HELLS: variants seen among roughly 807,000 people sequenced by gnomAD.
HELLS encodes helicase, lymphoid specific, also known as lymphoid-specific helicase.
In HELLS, 32 loss-of-function variants were observed where a neutral mutation model predicts 120.0. That is an observed-to-expected ratio of 0.27 (90% CI 0.20 to 0.36). The LOEUF is 0.36. HELLS is among the 10% of genes least tolerant of loss of function. The pLI is 1.00. For missense variants in HELLS, 650 were observed against 993.4 expected (o/e 0.65, Z 4.65); for synonymous variants, 341 against 323.4 (o/e 1.05, Z -0.58).
intron 2 of HELLS, among the ~76,000 whole-genome samples, chr10:94,553,894 C>T (rs1024767886): frequency 3.9e-5 from 6 of 152,030 alleles, no homozygotes; most frequent in Admixed American, 1.3e-4. Flanking sequence ...GTGCCAGAAA[C>T]CATGTGTTCA....
In HELLS at chr10:94,545,904, C is replaced by T. The variant is rs1035771075; in HGVS notation, c.-18C>T. 1.3e-6 allele frequency: 2 copies of T among 1,553,532 alleles called. No homozygotes were observed. Among genetic ancestry groups the T allele is most frequent in the Non-Finnish European group, 1.7e-6 (2 of 1,147,874 alleles). On this transcript the variant is annotated 5_prime_UTR_variant, in exon 1 of 22. Transcript: ENST00000348459. ...GCTCTGAGAGGAGGGGACCCGGTTCCCGGGTGAGTGTCCAGGCATGCCAGC... is the reference window on the plus strand; with the variant it reads ...GCTCTGAGAGGAGGGGACCCGGTTCTCGGGTGAGTGTCCAGGCATGCCAGC...
exon 10 of HELLS, chr10:94,613,251 A>G (rs1846211797): frequency 1.3e-5 from 2 of 152,192 alleles, no homozygotes; most frequent in African/African-American, 4.8e-5. Flanking sequence ...AATTTTTGCC[A>G]TTCTCATAAT....
intron 9 of HELLS, among the ~76,000 whole-genome samples, chr10:94,608,774 C>T (rs1015516632): frequency 6.6e-6 from 1 of 151,922 alleles, no homozygotes; most frequent in Admixed American, 6.6e-5. Flanking sequence ...TGTGCCAGTA[C>T]TCCTGGCTAA....
intron 11 of HELLS, among the ~76,000 whole-genome samples, chr10:94,582,454 A>G (rs186429279): frequency 2.6e-5 from 4 of 152,260 alleles, no homozygotes; most frequent in Admixed American, 1.3e-4. Flanking sequence ...CCTATTCTAT[A>G]TTATTAATCT....
chr10:94,552,071 A>G (rs1843005102), intron 2 of HELLS, among the ~76,000 whole-genome samples: 1 of 152,172 alleles, frequency 6.6e-6, no homozygotes, highest in African/African-American at 2.4e-5. Context: ...GCTGTAAACA[A>G]TGCTCAATTA....
chr10:94,581,490 T>G lies in HELLS; in HGVS notation c.1197T>G (p.Phe399Leu), dbSNP rs773907756. Reference protein sequence around the residue: ...NLSELWSLLNFLLPDVFDDLK... With the variant: ...NLSELWSLLNLLLPDVFDDLK... Reference sequence around the variant, plus strand: ...CAGAACTTTGGTCATTGCTAAACTTTTTGTTGCCAGATGTATTTGATGACT... The same window carrying G: ...CAGAACTTTGGTCATTGCTAAACTTGTTGTTGCCAGATGTATTTGATGACT... The change falls in exon 11 of 22, where the codon TTT (phenylalanine) becomes TTG (leucine). Residue 399 changes from phenylalanine (F) to leucine (L), a missense_variant. Coordinates refer to ENST00000348459, the MANE Select transcript of HELLS (RefSeq NM_018063.5). 2.5e-6 allele frequency: 4 copies of G among 1,609,316 alleles called. No individual in the cohort carries two copies. The highest frequency in any genetic ancestry group is 3.4e-6 in the Non-Finnish European group (4 of 1,178,604).
exon 10 of HELLS, chr10:94,610,478 CAAG>C (rs1846181307): frequency 6.7e-6 from 1 of 150,176 alleles, no homozygotes; most frequent in African/African-American, 2.4e-5. Flanking sequence ...AAACAGAAAA[CAAG>C]AAATTCCCTA....
intron 6 of HELLS, chr10:94,570,808 T>C (rs1451659395): frequency 6.6e-6 from 1 of 152,110 alleles, no homozygotes; most frequent in Non-Finnish European, 1.5e-5. Context: ...CAGATGTCTA[T>C]CCACAGAGGC....
Position 94,596,921 on chromosome 10 carries a change from A to G in HELLS, c.2310A>G (p.Glu770=). The G allele has an allele frequency of 6.6e-7, 1 of 1,510,856 alleles. No individual in the cohort carries two copies. The highest frequency in any genetic ancestry group is 9.2e-7 in the Non-Finnish European group (1 of 1,087,536). The allele number at this position is 1,510,856 out of a possible 1,614,324, so 93.6% of individuals were successfully genotyped here. A position where few individuals can be genotyped will look rare whatever the true frequency, so the allele number is the denominator to read the frequency against. ...CTAAGAATTTCTTAGATCCTAAGGA[A>G]TTAATGGAATTATTAAAATCTAGAG... ...NLSKNFLDPK[E]LMELLKSRDY... The change falls in exon 20 of 22, where the codon GAA becomes GAG. Residue 770 remains glutamate (E), a synonymous_variant. Transcript: ENST00000348459.
In HELLS at chr10:94,574,407, G is replaced by A. The variant is rs1844333184; in HGVS notation, c.706-147G>A. On this transcript the variant is annotated intron_variant, in intron 8 of 21. Coordinates refer to ENST00000348459, the MANE Select transcript of HELLS (RefSeq NM_018063.5). The stretch of plus-strand genomic sequence containing the variant: ...TATGGCTTTGATAAAGGACTTTCCA[G>A]TGTTGTTATAATTTATGGTGTGAAT... 6.9e-6 allele frequency: 5 copies of A among 723,550 alleles called. No homozygotes were observed. The Admixed American group carries it at 8.5e-5, about 12-fold the overall frequency. The allele number at this position is 723,550 out of a possible 1,614,324, so 44.8% of individuals were successfully genotyped here.
At chr10:94,552,822 AC>A (rs1843053094) in intron 2 of HELLS, among the ~76,000 whole-genome samples, 1 of 151,410 alleles carries the variant, frequency 6.6e-6, no homozygotes, top group African/African-American at 2.4e-5. Context: ...AAAAAAAAAT[AC>A]AAAAAATTAA....
intron 12 of HELLS, among the ~76,000 whole-genome samples, chr10:94,586,688 T>TAG (rs1564608976): frequency 2.6e-5 from 4 of 151,670 alleles, no homozygotes; most frequent in African/African-American, 9.7e-5. Flanking sequence ...TTTATTATTA[T>TAG]TAGTAGTAGT....
intron 6 of HELLS, among the ~76,000 whole-genome samples, chr10:94,566,951 G>T (rs1355895229): frequency 6.6e-6 from 1 of 152,062 alleles, no homozygotes; most frequent in East Asian, 1.9e-4. Context: ...CACCATGCCT[G>T]GTCCCATACC....
chr10:94,598,956 A>G (rs547854868), intron 21 of HELLS, among the ~76,000 whole-genome samples: 12 of 152,240 alleles, frequency 7.9e-5, no homozygotes, highest in African/African-American at 2.9e-4. Context: ...TCCTTGATGC[A>G]AATAATTTGA....
intron 21 of HELLS, among the ~76,000 whole-genome samples, chr10:94,599,599 T>C (rs1272450219): frequency 2.0e-5 from 3 of 152,184 alleles, no homozygotes; most frequent in African/African-American, 7.2e-5. Context: ...TCAAGTGATC[T>C]GTCTGCCTCA....
At chr10:94,580,410 G>A (rs558788193) in intron 10 of HELLS, among the ~76,000 whole-genome samples, 4 of 151,462 alleles carry the variant, frequency 2.6e-5, no homozygotes, top group Admixed American at 2.0e-4. Flanking sequence ...TCAAACTCCT[G>A]ACCTCAGGTA....
intron 21 of HELLS, among the ~76,000 whole-genome samples, chr10:94,599,504 T>C (rs1293243396): frequency 6.6e-6 from 1 of 152,138 alleles, no homozygotes; most frequent in Non-Finnish European, 1.5e-5. Context: ...CAGGTGTGAT[T>C]ACTATGTCCT....
At chr10:94,565,800 C>A (rs555728647) in intron 6 of HELLS, among the ~76,000 whole-genome samples, 1 of 152,128 alleles carries the variant, frequency 6.6e-6, no homozygotes, top group South Asian at 2.1e-4. Flanking sequence ...CAAACTTTGT[C>A]ATAGGTGGAT....
intron 18 of HELLS, among the ~76,000 whole-genome samples, chr10:94,593,838 T>G (rs1324543477): frequency 6.6e-6 from 1 of 152,070 alleles, no homozygotes; most frequent in Non-Finnish European, 1.5e-5. Flanking sequence ...AATTTTTGTG[T>G]TTTTAGTAGA....
Sources: allele counts gnomAD v4.1 joint callset (sites outside exome capture counted in the v4.1 genomes callset), GRCh38; gene constraint gnomAD v4.1.1; transcripts MANE v1.5; gene names NCBI Gene and HGNC (gene_info 2026-07-23, HGNC 2026-07-21).